Variants in PRKCE observed in about 807,000 individuals in gnomAD.
The protein encoded by PRKCE is protein kinase C epsilon type.
PRKCE carries 16 observed loss-of-function variants against 85.4 expected under a neutral mutation model. The observed-to-expected ratio is 0.19, with a 90% CI of 0.13 to 0.28. The LOEUF is 0.28. Ranked by LOEUF, PRKCE falls within the 10% of genes least tolerant of loss-of-function variation. The pLI, the probability that PRKCE is intolerant of heterozygous loss-of-function variation, is 1.00. For synonymous variants in PRKCE, 388 were observed against 371.5 expected, an observed-to-expected ratio of 1.04 and a Z score of -0.51; for missense variants, 573 against 975.2, an observed-to-expected ratio of 0.59 and a Z score of 5.49.
chr2:46,150,598 T>C (rs1290491613), intron 12 of PRKCE, among the ~76,000 whole-genome samples: 1 of 152,206 alleles, frequency 6.6e-6, no homozygotes, highest in East Asian at 1.9e-4. Flanking sequence ...TCTGCTCACC[T>C]TTCCACTCAG....
At chr2:45,921,952 A>G (rs539353430) in intron 2 of PRKCE, among the ~76,000 whole-genome samples, 22 of 152,340 alleles carry the variant, frequency 1.4e-4, no homozygotes, top group African/African-American at 5.3e-4. Flanking sequence ...ATCAATATAT[A>G]TCACATGTTC....
chr2:46,181,614 C>T (rs912627393), intron 14 of PRKCE, among the ~76,000 whole-genome samples: 1 of 152,200 alleles, frequency 6.6e-6, no homozygotes, highest in African/African-American at 2.4e-5. Context: ...TTCAGACATC[C>T]TGTAGGATCT....
At chr2:46,075,488 C>A (rs1025997292) in intron 10 of PRKCE, among the ~76,000 whole-genome samples, 13 of 152,054 alleles carry the variant, frequency 8.5e-5, no homozygotes, top group African/African-American at 3.1e-4. Context: ...CACCTGTAAT[C>A]CCAGCATTTT....
At chr2:46,154,854 T>C (rs12994495) in intron 13 of PRKCE, among the ~76,000 whole-genome samples, 1 of 152,034 alleles carries the variant, frequency 6.6e-6, no homozygotes, top group Non-Finnish European at 1.5e-5. Flanking sequence ...TTATGTATTA[T>C]GTTTATTGTC....
chr2:45,928,574 A>T (rs1010504930), intron 2 of PRKCE, among the ~76,000 whole-genome samples: 4 of 152,150 alleles, frequency 2.6e-5, no homozygotes, highest in Non-Finnish European at 5.9e-5. Flanking sequence ...CCGGCCCATA[A>T]CTTTACACTT....
chr2:46,076,861 T>G (rs1277696089), intron 10 of PRKCE, among the ~76,000 whole-genome samples: 1 of 152,116 alleles, frequency 6.6e-6, no homozygotes, highest in African/African-American at 2.4e-5. Context: ...AACAGGAGGA[T>G]ATTATGCTAA....
chr2:45,748,225 G>A (rs546645423), intron 1 of PRKCE, among the ~76,000 whole-genome samples: 8 of 152,252 alleles, frequency 5.3e-5, no homozygotes, highest in South Asian at 2.1e-4. Flanking sequence ...CATGCAAAGC[G>A]CACAACTACC....
At chr2:45,881,953 A>G (rs578185573) in intron 2 of PRKCE, among the ~76,000 whole-genome samples, 47 of 152,162 alleles carry the variant, frequency 3.1e-4, no homozygotes, top group Non-Finnish European at 5.7e-4. Flanking sequence ...GCCTAAGGAG[A>G]CATTTCCTTG....
In PRKCE at chr2:46,068,132, T is replaced by C. The variant is rs971200725; in HGVS notation, c.1438-18076T>C. ...CATTATCAGTGGGTAGAATCTCCCTTTGAGATTCTTAACAGAGGGTCATGA... is the reference window on the plus strand; with the variant it reads ...CATTATCAGTGGGTAGAATCTCCCTCTGAGATTCTTAACAGAGGGTCATGA... On this transcript the variant is annotated intron_variant, in intron 10 of 14. Transcript: ENST00000306156. The surrounding 1 kb of genome is among the most constrained non-coding windows in gnomAD (Gnocchi z 4.3). Among the ~76,000 whole-genome samples, 4 of 152,122 alleles carry C rather than the reference T, an allele frequency of 2.6e-5. No homozygotes were observed. The highest frequency in any genetic ancestry group is 4.4e-5 in the Non-Finnish European group (3 of 68,008).
At chr2:46,064,094 C>T (rs942623111) in intron 10 of PRKCE, among the ~76,000 whole-genome samples, 13 of 151,924 alleles carry the variant, frequency 8.6e-5, no homozygotes, top group African/African-American at 3.1e-4. Flanking sequence ...CCAGCCTGGC[C>T]AACATGGTGA....
At chr2:45,977,465 T>A (rs947784234) in intron 3 of PRKCE, among the ~76,000 whole-genome samples, 2 of 151,966 alleles carry the variant, frequency 1.3e-5, no homozygotes, top group East Asian at 3.9e-4. Flanking sequence ...GGTGAAACCC[T>A]GTGTCTACTA....
At chr2:45,762,742 C>T (rs1289886535) in intron 1 of PRKCE, among the ~76,000 whole-genome samples, 1 of 152,144 alleles carries the variant, frequency 6.6e-6, no homozygotes, top group Non-Finnish European at 1.5e-5. Flanking sequence ...AGTGCTAATG[C>T]ATTTGCTTAT....
intron 1 of PRKCE, among the ~76,000 whole-genome samples, chr2:45,689,948 C>T (rs949497161): frequency 2.6e-5 from 4 of 151,984 alleles, no homozygotes; most frequent in African/African-American, 9.7e-5. Context: ...TCACAGACTC[C>T]CACTTCCCTC....
At chr2:45,870,721 A>G (rs1694025269) in intron 2 of PRKCE, among the ~76,000 whole-genome samples, 1 of 152,322 alleles carries the variant, frequency 6.6e-6, no homozygotes, top group East Asian at 1.9e-4. Context: ...TCTATCGGTT[A>G]CCTTAAGCCA....
At chr2:45,827,706 A>G (rs1215691474) in intron 1 of PRKCE, among the ~76,000 whole-genome samples, 2 of 152,216 alleles carry the variant, frequency 1.3e-5, no homozygotes, top group African/African-American at 4.8e-5. Context: ...TATCCCAGAA[A>G]ACAGAAAATC....
At chr2:45,797,581 C>G (rs1332980923) in intron 1 of PRKCE, among the ~76,000 whole-genome samples, 1 of 152,218 alleles carries the variant, frequency 6.6e-6, no homozygotes, top group Non-Finnish European at 1.5e-5. Flanking sequence ...CTCTGCAAGC[C>G]AGCCAACCCC....
rs144205097 is a variant in PRKCE, at chr2:45,698,430, C to T, written c.348+45982C>T. ...TCCCCAGCCGGTGGGGACCTGGCTC[C>T]CTGGGGGTTGTGGATGGGGGTATAA... On this transcript the variant is annotated intron_variant, in intron 1 of 14. Coordinates refer to ENST00000306156, the MANE Select transcript of PRKCE (RefSeq NM_005400.3). 4.9e-3 allele frequency among the ~76,000 whole-genome samples: 748 copies of T among 152,034 alleles called. 7 individuals carry two copies. The highest frequency in any genetic ancestry group is 0.031 in the Middle Eastern group (9 of 292).
rs71394861 is a variant in PRKCE, at chr2:45,944,655, A to ATTTTTTTTTT, written c.413-31756_413-31747dup. 1.5e-3 allele frequency among the ~76,000 whole-genome samples: 116 copies of ATTTTTTTTTT among 75,614 alleles called. 9 individuals carry two copies. The highest frequency in any genetic ancestry group is 1.9e-3 in the Non-Finnish European group (81 of 42,428). 49.6% of individuals were successfully genotyped at this position (75,614 alleles called of 152,430 possible). ...AGGTGCGTGCCACCATACCCGGCTA[A>ATTTTTTTTTT]TTTTTTTTTTTTTTTTTTTTTTTTT... On this transcript the variant is annotated intron_variant, in intron 2 of 14. Transcript: ENST00000306156.
intron 11 of PRKCE, among the ~76,000 whole-genome samples, chr2:46,120,359 T>C (rs1315072218): frequency 6.6e-6 from 1 of 152,090 alleles, no homozygotes; most frequent in Non-Finnish European, 1.5e-5. Context: ...TGGCATCTAG[T>C]GGGTAGAGGC....
Sources: allele counts gnomAD v4.1 joint callset (sites outside exome capture counted in the v4.1 genomes callset), GRCh38; gene constraint gnomAD v4.1.1; non-coding constraint Gnocchi (gnomAD v3.1); transcripts MANE v1.5; gene names NCBI Gene and HGNC (gene_info 2026-07-23, HGNC 2026-07-21).